TANGO2: variants seen among roughly 807,000 people sequenced by gnomAD.
TANGO2 encodes the protein transport and Golgi organization protein 2 homolog.
In TANGO2, 26 loss-of-function variants were observed where a neutral mutation model predicts 39.1. That is an observed-to-expected ratio of 0.67 (90% CI 0.49 to 0.92). The LOEUF (loss-of-function observed/expected upper bound fraction) is 0.92. Among genes scored for constraint, TANGO2 ranks in the 40% least tolerant of loss-of-function variants. The probability of loss-of-function intolerance (pLI) is 0.00; values close to 1 mark genes in which losing one functional copy is unlikely to be tolerated. For synonymous variants in TANGO2, 131 were observed against 144.5 expected (o/e 0.91, Z 0.67); for missense variants, 326 against 360.1 (o/e 0.91, Z 0.77).
chr22:20,036,077 G>A (rs1377404031), intron 1 of TANGO2, among the ~76,000 whole-genome samples: 1 of 152,136 alleles, frequency 6.6e-6, no homozygotes, highest in Admixed American at 6.6e-5. Flanking sequence ...CTGCTACTTA[G>A]GTCGTAAGTT....
intron 2 of TANGO2, among the ~76,000 whole-genome samples, chr22:20,039,100 A>AT (rs11361191): frequency 3.3e-4 from 47 of 144,494 alleles, no homozygotes; most frequent in Non-Finnish European, 3.9e-4. Context: ...TGCCCGGCTA[A>AT]TTTTTTTTTT....
chr22:20,021,621 G>A (rs1205474966), intron 1 of TANGO2, among the ~76,000 whole-genome samples: 1 of 152,256 alleles, frequency 6.6e-6, no homozygotes, highest in African/African-American at 2.4e-5. Flanking sequence ...TAGATAGTAA[G>A]TGCTGGGTCA....
rs2048362236 is a variant in TANGO2, at chr22:20,061,455, G to A, written c.452-75G>A. 15 of 1,488,086 alleles carry A rather than the reference G, an allele frequency of 1.0e-5. No homozygotes were observed. In the South Asian group the frequency reaches 1.7e-4, roughly 17 times the overall value. 92.2% of individuals were successfully genotyped at this position (1,488,086 alleles called of 1,614,324 possible). ...GGTCCCCAGCTGTACCCCGTGTTAG[G>A]TGGGTGGCAGGTGGCAATTTGCCCT... is the stretch of plus-strand genomic sequence containing the variant. On this transcript the variant is annotated intron_variant, in intron 6 of 8. Coordinates refer to ENST00000327374, the MANE Select transcript of TANGO2 (RefSeq NM_152906.7).
intron 6 of TANGO2, chr22:20,056,755 T>C (rs749973538): frequency 6.6e-6 from 3 of 456,252 alleles, no homozygotes; most frequent in Non-Finnish European, 1.3e-5. Flanking sequence ...AAATGGCATT[T>C]CCCCTGGGTG....
intron 3 of TANGO2, among the ~76,000 whole-genome samples, chr22:20,043,778 A>G (rs1369389899): frequency 6.6e-6 from 1 of 152,168 alleles, no homozygotes; most frequent in Non-Finnish European, 1.5e-5. Flanking sequence ...TCACTTTGTG[A>G]AGCAACCCAG....
At chr22:20,027,849 A>G (rs948547295) in intron 1 of TANGO2, among the ~76,000 whole-genome samples, 1 of 151,964 alleles carries the variant, frequency 6.6e-6, no homozygotes, top group Non-Finnish European at 1.5e-5. Context: ...CCCAGGCTGG[A>G]GTGAAGTGGC....
intron 1 of TANGO2, among the ~76,000 whole-genome samples, chr22:20,022,366 C>G (rs376385758): frequency 6.6e-6 from 1 of 152,192 alleles, no homozygotes; most frequent in Non-Finnish European, 1.5e-5. Flanking sequence ...TAGATGGACA[C>G]AGCAGAGCCT....
In TANGO2 at chr22:20,056,168, C is replaced by T. The variant is rs768276629; in HGVS notation, c.451+155C>T. On this transcript the variant is annotated intron_variant, in intron 6 of 8. Coordinates refer to ENST00000327374, the MANE Select transcript of TANGO2 (RefSeq NM_152906.7). ...TATGGTCTGTGGGCACCTTGCCCTG[C>T]ACCTGGACACTTCAGAGAGCCCTGG... 14 of 719,478 alleles carry T rather than the reference C, an allele frequency of 1.9e-5. 1 individual carries two copies. The South Asian group carries it at 2.1e-4, about 11-fold the overall frequency. 44.6% of individuals were successfully genotyped at this position (719,478 alleles called of 1,614,324 possible).
At chr22:20,047,456 A>G (rs1485703854) in intron 3 of TANGO2, among the ~76,000 whole-genome samples, 1 of 151,942 alleles carries the variant, frequency 6.6e-6, no homozygotes, top group Non-Finnish European at 1.5e-5. Context: ...GCTGGTCTCG[A>G]ACTCTTGACC....
At chr22:20,060,008 T>G (rs1345161705) in intron 6 of TANGO2, among the ~76,000 whole-genome samples, 1 of 151,162 alleles carries the variant, frequency 6.6e-6, no homozygotes, top group Non-Finnish European at 1.5e-5. Flanking sequence ...CAGGCTGGAG[T>G]GCAGTGGTGC....
At chr22:20,056,067 C>T (rs750617240) in intron 6 of TANGO2, 54 bp downstream of exon 6, 1 of 1,428,776 alleles carries the variant, frequency 7.0e-7, no homozygotes, top group South Asian at 1.1e-5. Context: ...ATGCAGAGGT[C>T]ACCCTTGTGC....
intron 2 of TANGO2, among the ~76,000 whole-genome samples, chr22:20,040,810 T>A (rs777090528): frequency 3.3e-5 from 5 of 152,122 alleles, no homozygotes; most frequent in Non-Finnish European, 5.9e-5. Context: ...AGACTTGGGC[T>A]GGGTCTGGGT....
In TANGO2 at chr22:20,063,498, A is replaced by G. The variant is rs1252792996; in HGVS notation, c.710+56A>G. On this transcript the variant is annotated intron_variant, in intron 8 of 8. Coordinates refer to ENST00000327374, the MANE Select transcript of TANGO2 (RefSeq NM_152906.7). ...TATCCCATGTCCCACCTCCCACGCTAGAGGGCCGGCAAAGAAGCCAAGTGC... is the reference window on the plus strand; with the variant it reads ...TATCCCATGTCCCACCTCCCACGCTGGAGGGCCGGCAAAGAAGCCAAGTGC... 1.9e-5 allele frequency: 28 copies of G among 1,475,528 alleles called. 1 individual carries two copies. The highest frequency in any genetic ancestry group is 2.2e-5 in the Non-Finnish European group (24 of 1,080,046). The allele number at this position is 1,475,528 out of a possible 1,614,324, so 91.4% of individuals were successfully genotyped here.
intron 3 of TANGO2, among the ~76,000 whole-genome samples, chr22:20,045,546 C>T (rs1359127431): frequency 6.9e-6 from 1 of 145,000 alleles, no homozygotes; most frequent in Non-Finnish European, 1.5e-5. Flanking sequence ...TCTTGTTGCC[C>T]AGGCTGGAGT....
chr22:20,056,436 G>C (rs374231025), intron 6 of TANGO2: 1 of 462,518 alleles, frequency 2.2e-6, no homozygotes, highest in Non-Finnish European at 4.3e-6. Flanking sequence ...ACAGATGCAC[G>C]CCTCCTGCAC....
intron 5 of TANGO2, chr22:20,055,624 G>A: frequency 2.2e-6 from 1 of 444,948 alleles, no homozygotes; most frequent in Non-Finnish European, 4.2e-6. Flanking sequence ...CCCTGCAGTT[G>A]TCCCCATGGG....
At chr22:20,024,920 C>T (rs1285054381) in intron 1 of TANGO2, among the ~76,000 whole-genome samples, 1 of 152,102 alleles carries the variant, frequency 6.6e-6, no homozygotes, top group African/African-American at 2.4e-5. Context: ...AGCTGTCTTG[C>T]ACCAGGGCTG....
rs1191957477 is a variant in TANGO2 at position 20,065,704 on chromosome 22, A to G, written c.*1042A>G. 6.6e-6 allele frequency: 1 copy of G among 152,236 alleles called. No individual in the cohort carries two copies. Among genetic ancestry groups the G allele is most frequent in the East Asian group, 1.9e-4 (1 of 5,192 alleles). 9.4% of individuals were successfully genotyped at this position (152,236 alleles called of 1,614,324 possible). On this transcript the variant is annotated 3_prime_UTR_variant, in exon 9 of 9. Transcript: ENST00000327374. ...TAGATTCAGTGCCCTTGAGTGTGCC[A>G]GAGGTCCTCTGTGTTTGAGACAATC...
At chr22:20,056,925 T>A in intron 6 of TANGO2, 1 of 456,508 alleles carries the variant, frequency 2.2e-6, no homozygotes, top group Non-Finnish European at 4.4e-6. Context: ...TCACACAGGG[T>A]GTTCCGGCGC....
Sources: allele counts gnomAD v4.1 joint callset (sites outside exome capture counted in the v4.1 genomes callset), GRCh38; gene constraint gnomAD v4.1.1; transcripts MANE v1.5; gene names NCBI Gene and HGNC (gene_info 2026-07-23, HGNC 2026-07-21).